The following FADS3 variants were observed in gnomAD, a reference collection of about 807,000 sequenced individuals.
The protein encoded by FADS3 is cytochrome b5-related protein.
Under a neutral mutation model 60.4 loss-of-function variants are expected in FADS3, and 30 were observed. The ratio of observed to expected loss-of-function variants is 0.50; its 90% confidence interval spans 0.37 to 0.67. The LOEUF is 0.67. FADS3 is among the 30% of genes least tolerant of loss of function. The pLI is 0.00. For missense variants in FADS3, 432 were observed against 598.3 expected (o/e 0.72, Z 2.90); for synonymous variants, 234 against 249.3 (o/e 0.94, Z 0.58).
rs756746310 is a variant in FADS3, at chr11:61,876,891, C to A, written c.958G>T (p.Val320Leu). Reference protein sequence around the residue: ...SYLPFYGVPGVLLFFVAVRVL... With the variant: ...SYLPFYGVPGLLLFFVAVRVL... ...CTGACAGCAACAAAGAAGAGCAGCA[C>A]CCCAGGGACGCCGTAGAAGGGGAGG... The change falls in exon 8 of 12, where the codon GTG becomes TTG. Residue 320 changes from valine (V) to leucine (L), a missense_variant. By Grantham distance (32) the Val-to-Leu change is conservative (BLOSUM62 1). This residue lies in a region of FADS3 where 38 missense variants were observed against 34.8 expected (regional missense o/e 1.09). Coordinates refer to ENST00000278829, the MANE Select transcript of FADS3 (RefSeq NM_021727.5). The surrounding 1 kb of genome is among the most constrained non-coding windows in gnomAD (Gnocchi z 5.7). 2 of 1,610,694 alleles carry A rather than the reference C, an allele frequency of 1.2e-6. No homozygotes were observed. The highest frequency in any genetic ancestry group is 8.5e-7 in the Non-Finnish European group (1 of 1,179,116).
Position 61,876,247 on chromosome 11 carries a change from G to A in FADS3, c.1081-57C>T, listed in dbSNP as rs149515974. On this transcript the variant is annotated intron_variant, in intron 9 of 11. Coordinates refer to ENST00000278829, the MANE Select transcript of FADS3 (RefSeq NM_021727.5). The surrounding 1 kb of genome is among the most constrained non-coding windows in gnomAD (Gnocchi z 5.7). The stretch of plus-strand genomic sequence containing the variant: ...GGCCGTTGCAGATCCCTGACCCCAC[G>A]GCACCATCCCCCACCTGGCAGCCCC... 9.5e-6 allele frequency: 15 copies of A among 1,573,980 alleles called. No individual in the cohort carries two copies. In the African/African-American group the frequency reaches 1.1e-4, roughly 11 times the overall value.
At position 61,877,795 on chromosome 11, in the gene FADS3, G is replaced by A. The variant is rs1161016191; in HGVS notation, c.809-208C>T. 1.2e-5 allele frequency: 7 copies of A among 604,102 alleles called. No individual in the cohort carries two copies. Among genetic ancestry groups the A allele is most frequent in the African/African-American group, 5.6e-5 (3 of 54,010 alleles). The allele number at this position is 604,102 out of a possible 1,614,324, so 37.4% of individuals were successfully genotyped here. ...CCACCACCTCCCACCACCCTTCACC[G>A]CAAGTCAGGGCCAGACTTGAGTCCT... On this transcript the variant is annotated intron_variant, in intron 6 of 11. Coordinates refer to ENST00000278829, the MANE Select transcript of FADS3 (RefSeq NM_021727.5). This position sits in a 1 kb window ranked among gnomAD's most constrained non-coding sequence, Gnocchi z 4.7.
upstream of FADS3, chr11:61,891,978 C>A (rs1360627257): frequency 1.3e-5 from 2 of 152,244 alleles, no homozygotes; most frequent in Admixed American, 1.3e-4. Context: ...AAATCCAGTG[C>A]GCCCAGAGGG....
Position 61,876,603 on chromosome 11 carries a change from G to T in FADS3, c.984-148C>A. 2.8e-6 allele frequency: 2 copies of T among 703,530 alleles called. No individual in the cohort carries two copies. Among genetic ancestry groups the T allele is most frequent in the Non-Finnish European group, 5.0e-6 (2 of 400,800 alleles). The allele number at this position is 703,530 out of a possible 1,614,324, so 43.6% of individuals were successfully genotyped here. A position where few individuals can be genotyped will look rare whatever the true frequency, so the allele number is the denominator to read the frequency against. On this transcript the variant is annotated intron_variant, in intron 8 of 11. Coordinates refer to ENST00000278829, the MANE Select transcript of FADS3 (RefSeq NM_021727.5). This position sits in a 1 kb window ranked among gnomAD's most constrained non-coding sequence, Gnocchi z 5.7. ...CATCGCCCCCTTGCCAGTGTTTAAA[G>T]AATCTGAATGGAGCAGTGTCCACTG...
At chr11:61,882,633 C>G (rs995049637) in intron 1 of FADS3, 2 of 151,934 alleles carry the variant, frequency 1.3e-5, no homozygotes, top group African/African-American at 4.8e-5. Context: ...GTTGCCTAGG[C>G]ATGTCTTAAA....
intron 1 of FADS3, among the ~76,000 whole-genome samples, chr11:61,883,520 A>G (rs1272909806): frequency 2.0e-5 from 3 of 152,210 alleles, no homozygotes; most frequent in African/African-American, 7.2e-5. Flanking sequence ...AAACATGCCC[A>G]CAATCACGGC....
At position 61,877,933 on chromosome 11, in the gene FADS3, G is replaced by A; in HGVS notation, c.808+222C>T. On this transcript the variant is annotated intron_variant, in intron 6 of 11. Transcript: ENST00000278829. The surrounding 1 kb of genome is among the most constrained non-coding windows in gnomAD (Gnocchi z 4.7). ...GGGAAGCTCCCAGCAGGGCTGTGAT[G>A]GCCCGTGGCTGCAAGGTGTCCCAGG... 1 of 604,174 alleles carries A rather than the reference G, an allele frequency of 1.7e-6. No homozygotes were observed. The highest frequency in any genetic ancestry group is 2.9e-6 in the Non-Finnish European group (1 of 339,424). 37.4% of individuals were successfully genotyped at this position (604,174 alleles called of 1,614,324 possible).
chr11:61,881,964 G>GA, intron 1 of FADS3: 1 of 152,232 alleles, frequency 6.6e-6, no homozygotes, highest in Non-Finnish European at 1.5e-5. Context: ...AAAACTGGTA[G>GA]AAAAAAGGGC....
chr11:61,888,493 G>A (rs2136002299), intron 1 of FADS3, among the ~76,000 whole-genome samples: 1 of 152,328 alleles, frequency 6.6e-6, no homozygotes, highest in South Asian at 2.1e-4. Context: ...GGCCTGAATG[G>A]ACCAAGTATT....
chr11:61,892,134 G>C (rs1938545134), upstream of FADS3: 1 of 152,396 alleles, frequency 6.6e-6, no homozygotes, highest in South Asian at 2.1e-4. Context: ...CAGGGCTGGG[G>C]ATGCCCAGGG....
rs577412272 is a variant in FADS3, at chr11:61,878,333, G to A, written c.748-118C>T. ...AAGGCAACTCTAGATTCTAGCAAGC[G>A]GGCTGGTCGTCCCCAGCAGGTTGGG... On this transcript the variant is annotated intron_variant, in intron 5 of 11. Transcript: ENST00000278829. 8.1e-4 allele frequency: 1,102 copies of A among 1,355,446 alleles called. 3 individuals are homozygous for A. The highest frequency in any genetic ancestry group is 1.0e-3 in the Non-Finnish European group (961 of 961,650). The allele number at this position is 1,355,446 out of a possible 1,614,324, so 84.0% of individuals were successfully genotyped here.
upstream of FADS3, chr11:61,891,733 C>G (rs1938529270): frequency 6.5e-6 from 1 of 152,896 alleles, no homozygotes; most frequent in African/African-American, 2.4e-5. Flanking sequence ...GCCCGCCCCT[C>G]CCGGGAGGAC....
chr11:61,879,976 G>T, intron 2 of FADS3, 65 bp downstream of exon 2: 6 of 1,356,328 alleles, frequency 4.4e-6, no homozygotes, highest in Non-Finnish European at 6.2e-6. Flanking sequence ...ATGTGGCAAT[G>T]TCTCCCAGCC....
At chr11:61,874,607 G>T (rs181990967) in intron 11 of FADS3, among the ~76,000 whole-genome samples, 1 of 152,184 alleles carries the variant, frequency 6.6e-6, no homozygotes, top group Non-Finnish European at 1.5e-5. Context: ...CAAGCCGGGC[G>T]TGTCCCTTCT....
Position 61,880,227 on chromosome 11 carries a change from G to C in FADS3, c.214-76C>G, listed in dbSNP as rs566997615. The C allele has an allele frequency of 2.0e-4, 234 of 1,199,186 alleles. 1 individual carries two copies. The highest frequency in any genetic ancestry group is 1.4e-3 in the Admixed American group (78 of 55,572). 74.3% of individuals were successfully genotyped at this position (1,199,186 alleles called of 1,614,324 possible). A position where few individuals can be genotyped will look rare whatever the true frequency, so the allele number is the denominator to read the frequency against. ...CAGCGGCAACCAGCAGAGACAGGCG[G>C]AAGGACTACGGATGGATGGGCAGAG... On this transcript the variant is annotated intron_variant, in intron 1 of 11. Coordinates refer to ENST00000278829, the MANE Select transcript of FADS3 (RefSeq NM_021727.5).
chr11:61,879,612 G>A lies in FADS3; in HGVS notation c.325-103C>T, dbSNP rs553522412. ...TCCCATCGCCAGGCCCAAGGGGTGT[G>A]GGCAAAGAGGAATGAAGTGACAAGA... On this transcript the variant is annotated intron_variant, in intron 2 of 11. Coordinates refer to ENST00000278829, the MANE Select transcript of FADS3 (RefSeq NM_021727.5). 1.4e-5 allele frequency: 16 copies of A among 1,143,888 alleles called. No individual in the cohort carries two copies. The South Asian group carries it at 1.7e-4, about 12-fold the overall frequency. The allele number at this position is 1,143,888 out of a possible 1,614,324, so 70.9% of individuals were successfully genotyped here. A position where few individuals can be genotyped will look rare whatever the true frequency, so the allele number is the denominator to read the frequency against.
chr11:61,883,909 G>A (rs1425560248), intron 1 of FADS3, among the ~76,000 whole-genome samples: 1 of 152,240 alleles, frequency 6.6e-6, no homozygotes, highest in Non-Finnish European at 1.5e-5. Context: ...CCATTGACAG[G>A]GCTCCAGCTG....
At position 61,875,976 on chromosome 11, in the gene FADS3, G is replaced by A; in HGVS notation, c.1161C>T (p.His387=). ...SGHLNFQIEH[H]LFPRMPRHNY... ...TGTGTCTCGGCATCCTGGGGAAGAG[G>A]CTGGGGGTGGGGAGCGTATGCTGGC... The change falls in exon 11 of 12, where the codon CAC becomes CAT. Residue 387 remains histidine (H), a splice_region_variant and synonymous_variant. Transcript: ENST00000278829. 6.2e-7 allele frequency: 1 copy of A among 1,613,628 alleles called. No individual in the cohort carries two copies. The highest frequency in any genetic ancestry group is 8.5e-7 in the Non-Finnish European group (1 of 1,180,022).
intron 11 of FADS3, 148 bp from the exon 12 acceptor site, chr11:61,874,013 A>T: frequency 1.2e-5 from 7 of 579,146 alleles, no homozygotes; most frequent in Non-Finnish European, 1.9e-5. Flanking sequence ...TGCGGGCTGG[A>T]GGGTGGGTTG....
Sources: gnomAD v4.1 joint callset for allele counts (sites outside exome capture counted in the v4.1 genomes callset) on GRCh38, gnomAD v4.1.1 for gene constraint, gnomAD v4.1.1 regional missense constraint, Gnocchi (gnomAD v3.1) non-coding constraint, MANE v1.5 for transcripts, NCBI Gene and HGNC (gene_info 2026-07-23, HGNC 2026-07-21) for gene names.